The following RUNDC3B variants were observed in gnomAD, a reference collection of about 807,000 sequenced individuals.
RUNDC3B encodes the protein RUN domain-containing protein 3B.
Under a neutral mutation model 58.4 loss-of-function variants are expected in RUNDC3B, and 33 were observed. The observed-to-expected ratio is 0.56, with a 90% CI of 0.43 to 0.75. The LOEUF is 0.75. Among genes scored for constraint, RUNDC3B ranks in the 30% least tolerant of loss-of-function variants. The pLI, the probability that RUNDC3B is intolerant of heterozygous loss-of-function variation, is 0.00. For synonymous variants in RUNDC3B, 193 were observed against 195.2 expected, an observed-to-expected ratio of 0.99 and a Z score of 0.10; for missense variants, 501 against 535.7, an observed-to-expected ratio of 0.94 and a Z score of 0.64.
chr7:87,746,572 CTTT>C (rs1832654058), intron 6 of RUNDC3B, among the ~76,000 whole-genome samples: 1 of 152,154 alleles, frequency 6.6e-6, no homozygotes, highest in Non-Finnish European at 1.5e-5. Flanking sequence ...TAATGTACTT[CTTT>C]GTCTCTTTTA....
chr7:87,757,611 T>C (rs1833442721), intron 6 of RUNDC3B, among the ~76,000 whole-genome samples: 1 of 152,146 alleles, frequency 6.6e-6, no homozygotes, highest in Non-Finnish European at 1.5e-5. Context: ...ATAGACCCAA[T>C]GTATTTGCTG....
intron 2 of RUNDC3B, chr7:87,694,116 C>T (rs772162142): frequency 4.6e-5 from 34 of 745,204 alleles, no homozygotes; most frequent in Non-Finnish European, 5.6e-5. Context: ...TTTTTTTAAT[C>T]CAGAGAGCAC....
intron 6 of RUNDC3B, among the ~76,000 whole-genome samples, chr7:87,769,004 CACCACTCCTTTTTTTTGAG>C (rs1834124305): frequency 1.3e-5 from 2 of 151,612 alleles, no homozygotes; most frequent in African/African-American, 4.8e-5. Flanking sequence ...GTCCAACCAC[CACCACTCCTTTTTTTTGAG>C]ACGGAGTCTC....
intron 4 of RUNDC3B, 26 bp downstream of exon 4, chr7:87,710,681 A>G (rs1409401211): frequency 3.9e-6 from 5 of 1,297,312 alleles, no homozygotes; most frequent in African/African-American, 1.5e-5. Flanking sequence ...TAATTTTCTA[A>G]TATATATTTG....
At chr7:87,726,162 T>C (rs557810927) in intron 4 of RUNDC3B, among the ~76,000 whole-genome samples, 1 of 152,372 alleles carries the variant, frequency 6.6e-6, no homozygotes, top group East Asian at 1.9e-4. Flanking sequence ...ATGAAGTCCT[T>C]GCCCATGCCT....
intron 6 of RUNDC3B, among the ~76,000 whole-genome samples, chr7:87,744,779 C>T (rs1424039185): frequency 6.6e-6 from 1 of 152,128 alleles, no homozygotes; most frequent in Non-Finnish European, 1.5e-5. Flanking sequence ...GACAGTTTGA[C>T]TTTCTCTTTA....
At chr7:87,730,579 T>TCAC (rs1300673418) in intron 4 of RUNDC3B, among the ~76,000 whole-genome samples, 1 of 151,972 alleles carries the variant, frequency 6.6e-6, no homozygotes, top group African/African-American at 2.4e-5. Context: ...ATGCTTCCTT[T>TCAC]CACGAGGTTC....
intron 1 of RUNDC3B, among the ~76,000 whole-genome samples, chr7:87,643,819 G>A (rs1028897922): frequency 1.3e-5 from 2 of 151,874 alleles, no homozygotes; most frequent in South Asian, 2.1e-4. Context: ...GAGCCACCAC[G>A]CCCGGCCAAG....
chr7:87,761,125 G>T (rs558705590), intron 6 of RUNDC3B, among the ~76,000 whole-genome samples: 1 of 151,818 alleles, frequency 6.6e-6, no homozygotes, highest in Admixed American at 6.6e-5. Context: ...GCTACAACTT[G>T]GCAACACAAA....
intron 2 of RUNDC3B, chr7:87,694,058 C>G: frequency 1.9e-6 from 3 of 1,551,908 alleles, no homozygotes. Flanking sequence ...TTTTTTAGTA[C>G]ATTGCATGGG....
intron 9 of RUNDC3B, among the ~76,000 whole-genome samples, chr7:87,815,654 A>G (rs1201743202): frequency 6.6e-6 from 1 of 152,138 alleles, no homozygotes; most frequent in African/African-American, 2.4e-5. Context: ...CTTCTTAATT[A>G]CAGGAATTTG....
chr7:87,700,615 C>T, intron 3 of RUNDC3B, 61 bp downstream of exon 3: 1 of 1,487,280 alleles, frequency 6.7e-7, no homozygotes. Context: ...TTTGGAATAG[C>T]AGGAAGGTGT....
At chr7:87,762,436 A>G (rs1297609797) in intron 6 of RUNDC3B, among the ~76,000 whole-genome samples, 1 of 151,368 alleles carries the variant, frequency 6.6e-6, no homozygotes, top group Non-Finnish European at 1.5e-5. Flanking sequence ...GAATTTCAGT[A>G]AAGTCTATAA....
chr7:87,720,429 G>T (rs892318884), intron 4 of RUNDC3B, among the ~76,000 whole-genome samples: 1 of 151,736 alleles, frequency 6.6e-6, no homozygotes, highest in Non-Finnish European at 1.5e-5. Context: ...CCTAAAGAAG[G>T]ATTTTTGGTT....
At chr7:87,751,939 C>T (rs888492616) in intron 6 of RUNDC3B, among the ~76,000 whole-genome samples, 3 of 152,304 alleles carry the variant, frequency 2.0e-5, no homozygotes, top group African/African-American at 7.2e-5. Flanking sequence ...GAGAGGGCAT[C>T]CCTGTCTTGT....
chr7:87,804,087 C>T (rs923546398), intron 8 of RUNDC3B, among the ~76,000 whole-genome samples: 1 of 152,048 alleles, frequency 6.6e-6, no homozygotes, highest in Non-Finnish European at 1.5e-5. Context: ...ATGAGACTCA[C>T]CACAAAGCAA....
Position 87,636,135 on chromosome 7 carries a change from T to C in RUNDC3B, c.122+7190T>C, listed in dbSNP as rs559436518. ...TGATGAGTCATATGGCATGCAGATATTCGGCTTCAGTAGATGTGAAAGTTT... is the reference window on the plus strand; with the variant it reads ...TGATGAGTCATATGGCATGCAGATACTCGGCTTCAGTAGATGTGAAAGTTT... On this transcript the variant is annotated intron_variant, in intron 1 of 10. Coordinates refer to ENST00000394654, the MANE Select transcript of RUNDC3B (RefSeq NM_001134405.2). Among the ~76,000 whole-genome samples, 57 of 152,352 alleles carry C rather than the reference T, an allele frequency of 3.7e-4. No individual in the cohort carries two copies. The South Asian group carries it at 7.0e-3, about 19-fold the overall frequency.
At chr7:87,708,708 T>C (rs1202875628) in intron 3 of RUNDC3B, among the ~76,000 whole-genome samples, 1 of 152,094 alleles carries the variant, frequency 6.6e-6, no homozygotes, top group Non-Finnish European at 1.5e-5. Flanking sequence ...GTGGAGTGTA[T>C]AGGTATTAAC....
chr7:87,820,320 A>C (rs1367272058), intron 10 of RUNDC3B, among the ~76,000 whole-genome samples: 2 of 152,142 alleles, frequency 1.3e-5, no homozygotes, highest in African/African-American at 2.4e-5. Context: ...CACATACACC[A>C]TCCCATGACT....
Sources: allele counts gnomAD v4.1 joint callset (sites outside exome capture counted in the v4.1 genomes callset), GRCh38; gene constraint gnomAD v4.1.1; transcripts MANE v1.5; gene names NCBI Gene and HGNC (gene_info 2026-07-23, HGNC 2026-07-21).